The following GRM5 variants were observed in gnomAD, a reference collection of about 807,000 sequenced individuals.
GRM5 encodes glutamate metabotropic receptor 5.
In GRM5, 19 loss-of-function variants were observed where a neutral mutation model predicts 83.1. That is an observed-to-expected ratio of 0.23 (90% CI 0.16 to 0.34). The LOEUF (loss-of-function observed/expected upper bound fraction) is 0.34, where lower values mean the gene tolerates loss of function less well. Ranked by LOEUF, GRM5 falls within the 10% of genes least tolerant of loss-of-function variation. The pLI is 1.00. For synonymous variants in GRM5, 675 were observed against 633.6 expected (o/e 1.07, Z -0.98); for missense variants, 1,160 against 1,588.3 (o/e 0.73, Z 4.58).
chr11:88,909,624 T>G (rs911563501), intron 2 of GRM5, among the ~76,000 whole-genome samples: 1 of 151,912 alleles, frequency 6.6e-6, no homozygotes, highest in African/African-American at 2.4e-5. Flanking sequence ...ATAACTTAAA[T>G]TTGCTTATTT....
chr11:89,013,566 T>C (rs1479883352), intron 2 of GRM5, among the ~76,000 whole-genome samples: 1 of 152,170 alleles, frequency 6.6e-6, no homozygotes, highest in African/African-American at 2.4e-5. Flanking sequence ...TCTGTGTATT[T>C]TGAAGCACTC....
intron 7 of GRM5, among the ~76,000 whole-genome samples, chr11:88,584,520 G>A (rs369051774): frequency 6.6e-6 from 1 of 152,046 alleles, no homozygotes; most frequent in Non-Finnish European, 1.5e-5. Context: ...TGCAACCTCT[G>A]CCTCCTAAGT....
intron 3 of GRM5, among the ~76,000 whole-genome samples, chr11:88,678,160 G>A (rs1265336645): frequency 1.3e-5 from 2 of 151,776 alleles, no homozygotes; most frequent in African/African-American, 4.8e-5. Flanking sequence ...CTGGCCTTAA[G>A]TGATTCTCCC....
chr11:89,046,832 T>C (rs1316409525), intron 2 of GRM5, among the ~76,000 whole-genome samples: 9 of 152,098 alleles, frequency 5.9e-5, no homozygotes, highest in African/African-American at 1.9e-4. Context: ...TTAGAAACAA[T>C]AGGCACCTAG....
chr11:89,051,711 A>G (rs1473674437), intron 1 of GRM5, among the ~76,000 whole-genome samples: 1 of 152,224 alleles, frequency 6.6e-6, no homozygotes, highest in Admixed American at 6.5e-5. Flanking sequence ...CTCCGTCTCA[A>G]GAAAAGATAA....
intron 1 of GRM5, among the ~76,000 whole-genome samples, chr11:89,054,131 G>C (rs11018441): frequency 0.24 from 35,767 of 152,060 alleles, 5,008 homozygotes; most frequent in Non-Finnish European, 0.32. Context: ...AGAAAATGAA[G>C]AGAAAATTAG....
At chr11:88,632,113 C>T (rs752769105) in intron 4 of GRM5, among the ~76,000 whole-genome samples, 17 of 152,174 alleles carry the variant, frequency 1.1e-4, no homozygotes, top group Non-Finnish European at 2.2e-4. Flanking sequence ...ATCACCTCCA[C>T]GACGTTCCTC....
At chr11:88,700,105 G>A (rs1472502704) in intron 3 of GRM5, among the ~76,000 whole-genome samples, 1 of 152,136 alleles carries the variant, frequency 6.6e-6, no homozygotes, top group Non-Finnish European at 1.5e-5. Context: ...GGACAGAGTT[G>A]AATGGCTTGG....
chr11:88,948,490 T>G (rs1374541873), intron 2 of GRM5, among the ~76,000 whole-genome samples: 1 of 152,202 alleles, frequency 6.6e-6, no homozygotes, highest in Non-Finnish European at 1.5e-5. Flanking sequence ...ATATCCTTCT[T>G]TTACACCTTT....
At chr11:88,825,995 G>A (rs1451215811) in intron 3 of GRM5, among the ~76,000 whole-genome samples, 1 of 152,144 alleles carries the variant, frequency 6.6e-6, no homozygotes, top group Non-Finnish European at 1.5e-5. Flanking sequence ...GTAGGAAGAA[G>A]TAATTATTTT....
intron 3 of GRM5, among the ~76,000 whole-genome samples, chr11:88,698,786 G>A (rs920081505): frequency 1.3e-5 from 2 of 152,152 alleles, no homozygotes; most frequent in African/African-American, 4.8e-5. Flanking sequence ...TCTTGGCATT[G>A]CTCCTGGTAC....
chr11:88,745,434 G>C (rs1324979891), intron 3 of GRM5, among the ~76,000 whole-genome samples: 6 of 151,918 alleles, frequency 3.9e-5, no homozygotes, highest in African/African-American at 1.5e-4. Flanking sequence ...TTAAACTCCT[G>C]AGATCAAGCT....
chr11:88,767,788 C>G (rs757331443), intron 3 of GRM5, among the ~76,000 whole-genome samples: 5 of 151,684 alleles, frequency 3.3e-5, no homozygotes, highest in South Asian at 2.1e-4. Context: ...ACCCAGTTTA[C>G]CTATATTAAC....
chr11:89,007,591 A>C (rs979881758), intron 2 of GRM5, among the ~76,000 whole-genome samples: 4 of 152,240 alleles, frequency 2.6e-5, no homozygotes, highest in African/African-American at 4.8e-5. Context: ...TAGATAGGTA[A>C]TAAAGGTTTA....
At chr11:88,845,711 G>A (rs1455056390) in intron 3 of GRM5, among the ~76,000 whole-genome samples, 1 of 139,318 alleles carries the variant, frequency 7.2e-6, no homozygotes, top group African/African-American at 2.7e-5. Context: ...GGGATTACAG[G>A]CATGAACCAC....
intron 3 of GRM5, among the ~76,000 whole-genome samples, chr11:88,743,377 C>A (rs967393648): frequency 2.0e-5 from 3 of 152,134 alleles, no homozygotes; most frequent in Admixed American, 6.6e-5. Flanking sequence ...AAGTGGTGAG[C>A]AGATGATATT....
At chr11:88,662,790 C>T (rs1258759082) in intron 3 of GRM5, among the ~76,000 whole-genome samples, 3 of 152,102 alleles carry the variant, frequency 2.0e-5, no homozygotes, top group Non-Finnish European at 4.4e-5. Context: ...AGTATGGCCT[C>T]CAGCAAACAA....
chr11:88,774,826 G>A (rs1942814597), intron 3 of GRM5, among the ~76,000 whole-genome samples: 1 of 152,156 alleles, frequency 6.6e-6, no homozygotes, highest in Admixed American at 6.5e-5. Flanking sequence ...GCTTTTTGAT[G>A]TGCTGCTGGA....
chr11:88,800,066 T>C (rs1474610531), intron 3 of GRM5, among the ~76,000 whole-genome samples: 1 of 152,010 alleles, frequency 6.6e-6, no homozygotes, highest in East Asian at 1.9e-4. Flanking sequence ...CACAGGGAGT[T>C]TATGCACATT....
Sources: gnomAD v4.1 joint callset for allele counts (sites outside exome capture counted in the v4.1 genomes callset) on GRCh38, gnomAD v4.1.1 for gene constraint, MANE v1.5 for transcripts, NCBI Gene and HGNC (gene_info 2026-07-23, HGNC 2026-07-21) for gene names.